UGDH: variants seen among roughly 807,000 people sequenced by gnomAD.
UGDH encodes the protein UDP-glucose 6-dehydrogenase, also known as UDP-Glc dehydrogenase.
Under a neutral mutation model 50.6 loss-of-function variants are expected in UGDH, and 38 were observed. The ratio of observed to expected loss-of-function variants is 0.75; its 90% confidence interval spans 0.58 to 0.98. The LOEUF (loss-of-function observed/expected upper bound fraction) is 0.98, where lower values mean the gene tolerates loss of function less well. Among genes scored for constraint, UGDH ranks in the 50% least tolerant of loss-of-function variants. The pLI is 0.00. For missense variants in UGDH, 465 were observed against 606.2 expected (o/e 0.77, Z 2.45); for synonymous variants, 168 against 199.9 (o/e 0.84, Z 1.35).
chr4:39,517,566 G>A (rs1021559870), intron 2 of UGDH, among the ~76,000 whole-genome samples: 3 of 152,148 alleles, frequency 2.0e-5, no homozygotes, highest in Admixed American at 6.5e-5. Flanking sequence ...CAATAAACAC[G>A]ACAACACAAA....
intron 3 of UGDH, 93 bp downstream of exon 3, chr4:39,513,990 G>T: frequency 9.3e-7 from 1 of 1,077,724 alleles, no homozygotes; most frequent in Non-Finnish European, 1.4e-6. Flanking sequence ...CAATGTTGAG[G>T]CTTAATACCA....
chr4:39,509,986 T>A, intron 5 of UGDH, 79 bp from the exon 6 acceptor site: 1 of 1,443,690 alleles, frequency 6.9e-7, no homozygotes, highest in Non-Finnish European at 9.2e-7. Flanking sequence ...TTTCATTGCG[T>A]TGACGCAAAT....
chr4:39,519,700 G>C (rs1406346549), intron 2 of UGDH, among the ~76,000 whole-genome samples: 1 of 151,654 alleles, frequency 6.6e-6, no homozygotes, highest in Non-Finnish European at 1.5e-5. Flanking sequence ...CACTGCACCC[G>C]GCTAATTTTT....
Position 39,505,565 on chromosome 4 carries a change from A to G in UGDH, c.1037+53T>C, listed in dbSNP as rs1578264839. The G allele has an allele frequency of 2.7e-6, 4 of 1,476,250 alleles. No homozygotes were observed. In the East Asian group the frequency reaches 9.3e-5, roughly 34 times the overall value. 91.4% of individuals were successfully genotyped at this position (1,476,250 alleles called of 1,614,324 possible). The stretch of plus-strand genomic sequence containing the variant: ...CACCTACCCCAATCAAAAAATTAAG[A>G]TGAGGAGTTAACACAATCTCAAAAG... On this transcript the variant is annotated intron_variant, in intron 8 of 11. Transcript: ENST00000316423.
Position 39,510,561 on chromosome 4 carries a change from A to G in UGDH, c.466-11T>C. 1 of 1,614,112 alleles carries G rather than the reference A, an allele frequency of 6.2e-7. No individual in the cohort carries two copies. The highest frequency in any genetic ancestry group is 8.5e-7 in the Non-Finnish European group (1 of 1,179,976). ...AGGGTTGGACAGCACCTAGAATCCC[A>G]ATGCAAAGGAAAGTTTTAAGCTAGA... On this transcript the variant is annotated splice_polypyrimidine_tract_variant and intron_variant, in intron 4 of 11. Coordinates refer to ENST00000316423, the MANE Select transcript of UGDH (RefSeq NM_003359.4).
intron 1 of UGDH, 130 bp downstream of exon 1, chr4:39,527,153 G>A (rs944251205): frequency 1.6e-6 from 2 of 1,283,618 alleles, no homozygotes; most frequent in Non-Finnish European, 2.0e-6. Flanking sequence ...CGTGAGACGG[G>A]AAGCCCGGGA....
chr4:39,525,526 A>C (rs1553858378), intron 1 of UGDH, among the ~76,000 whole-genome samples: 1 of 95,366 alleles, frequency 1.0e-5, no homozygotes, highest in African/African-American at 4.1e-5. Context: ...TTTTTTTTTG[A>C]GACGTAGTCT....
chr4:39,500,331 C>A, intron 11 of UGDH, 78 bp from the exon 12 acceptor site: 1 of 851,958 alleles, frequency 1.2e-6, no homozygotes, highest in Non-Finnish European at 1.8e-6. Flanking sequence ...GAAATGGGAG[C>A]AGGGGGAATC....
At chr4:39,500,427 A>T (rs1471362051) in intron 11 of UGDH, among the ~76,000 whole-genome samples, 174 bp from the exon 12 acceptor site, 1 of 152,114 alleles carries the variant, frequency 6.6e-6, no homozygotes, top group Non-Finnish European at 1.5e-5. Context: ...TTGTTCCTAG[A>T]ATTAATCTGT....
Position 39,527,336 on chromosome 4 carries a change from C to A in UGDH, c.-61G>T, listed in dbSNP as rs1746951656. On this transcript the variant is annotated 5_prime_UTR_variant, in exon 1 of 12. Coordinates refer to ENST00000316423, the MANE Select transcript of UGDH (RefSeq NM_003359.4). ...GCTCCTATCCCGATCGTTCGGACAG[C>A]ACCTTCCTACGGGCCGCGCCGCCGC... The A allele has an allele frequency of 3.8e-6, 1 of 261,512 alleles. No homozygotes were observed. Among genetic ancestry groups the A allele is most frequent in the Admixed American group, 4.4e-5 (1 of 22,918 alleles). 16.2% of individuals were successfully genotyped at this position (261,512 alleles called of 1,614,324 possible).
chr4:39,505,780 A>G lies in UGDH; in HGVS notation c.907-32T>C, dbSNP rs114708489. ...TTACATGTACAATTGTGCAATGATT[A>G]GTTAAAAGAGGCACAGCCTATGACA... On this transcript the variant is annotated intron_variant, in intron 7 of 11. Transcript: ENST00000316423. 3.4e-4 allele frequency: 543 copies of G among 1,579,210 alleles called. 2 individuals are homozygous for G. Among genetic ancestry groups the G allele is most frequent in the Non-Finnish European group, 4.4e-4 (508 of 1,161,818 alleles).
intron 3 of UGDH, among the ~76,000 whole-genome samples, chr4:39,512,025 G>GA (rs369507361): frequency 0.61 from 83,193 of 136,826 alleles, 25,665 homozygotes; most frequent in Admixed American, 0.7. Context: ...CTTTCATTTA[G>GA]AAAAAAAAAA....
chr4:39,503,902 G>A lies in UGDH; in HGVS notation c.1347C>T (p.His449=). ...FDGRRVLDGL[H]NELQTIGFQI... The stretch of plus-strand genomic sequence containing the variant: ...GGAAGCCAATGGTTTGTAGTTCATT[G>A]TGGAGCCCATCCAGGACACGCCGTC... Residue 449 remains histidine, a synonymous_variant, in exon 11 of 12, where the codon CAC becomes CAT. Transcript: ENST00000316423. 1.2e-6 allele frequency: 2 copies of A among 1,614,158 alleles called. No individual in the cohort carries two copies. The highest frequency in any genetic ancestry group is 1.7e-5 in the Admixed American group (1 of 60,024).
chr4:39,508,730 T>A, intron 6 of UGDH, 70 bp from the exon 7 acceptor site: 1 of 1,328,732 alleles, frequency 7.5e-7, no homozygotes, highest in Non-Finnish European at 1.0e-6. Context: ...GACAAATTTC[T>A]TTATACTAAA....
chr4:39,510,640 C>A (rs1485104092), intron 4 of UGDH, 21 bp downstream of exon 4: 1 of 1,614,182 alleles, frequency 6.2e-7, no homozygotes, highest in Admixed American at 1.7e-5. Flanking sequence ...TAACCAGATT[C>A]TAATGCTTCA....
chr4:39,521,890 C>T (rs1177700142), intron 1 of UGDH, among the ~76,000 whole-genome samples: 1 of 152,198 alleles, frequency 6.6e-6, no homozygotes, highest in East Asian at 1.9e-4. Flanking sequence ...CCAGGATGAA[C>T]ATACTTGTAC....
intron 1 of UGDH, among the ~76,000 whole-genome samples, chr4:39,524,534 A>C (rs1378254385): frequency 1.3e-5 from 2 of 149,702 alleles, no homozygotes; most frequent in Non-Finnish European, 3.0e-5. Flanking sequence ...ACAAGGTCTC[A>C]CTCTGTTGCC....
At position 39,499,713 on chromosome 4, in the gene UGDH, A is replaced by G. The variant is rs1745712869; in HGVS notation, c.*430T>C. On this transcript the variant is annotated 3_prime_UTR_variant, in exon 12 of 12. Transcript: ENST00000316423. ...GCTAGTATAAATCTGATGATTAAAA[A>G]AATAGTTTTGTTTCCTTAAAAACAC... 1 of 153,320 alleles carries G rather than the reference A, an allele frequency of 6.5e-6. No homozygotes were observed. The highest frequency in any genetic ancestry group is 1.5e-5 in the Non-Finnish European group (1 of 68,788). 9.5% of individuals were successfully genotyped at this position (153,320 alleles called of 1,614,324 possible). A position where few individuals can be genotyped will look rare whatever the true frequency, so the allele number is the denominator to read the frequency against.
intron 1 of UGDH, among the ~76,000 whole-genome samples, chr4:39,525,856 C>T (rs914410395): frequency 6.6e-6 from 1 of 152,240 alleles, no homozygotes; most frequent in Non-Finnish European, 1.5e-5. Flanking sequence ...CTCTATTCTG[C>T]TGTCAGAGAC....
Sources: allele counts gnomAD v4.1 joint callset (sites outside exome capture counted in the v4.1 genomes callset), GRCh38; gene constraint gnomAD v4.1.1; transcripts MANE v1.5; gene names NCBI Gene and HGNC (gene_info 2026-07-23, HGNC 2026-07-21).